The following SYNJ1 variants were observed in gnomAD, a reference collection of about 807,000 sequenced individuals.
The protein encoded by SYNJ1 is synaptojanin 1, also known as polyphosphatidylinositol phosphatase SYNJ1.
Under a neutral mutation model 168.2 loss-of-function variants are expected in SYNJ1, and 78 were observed. The observed-to-expected ratio is 0.46, with a 90% CI of 0.39 to 0.56. SYNJ1 has a LOEUF of 0.56. SYNJ1 is among the 20% of genes least tolerant of loss of function. SYNJ1 has a pLI of 0.00. For synonymous variants in SYNJ1, 539 were observed against 548.6 expected (o/e 0.98, Z 0.24); for missense variants, 1,303 against 1,597.6 (o/e 0.82, Z 3.14).
At chr21:32,651,909 T>A (rs1286134347) in intron 22 of SYNJ1, among the ~76,000 whole-genome samples, 1 of 152,172 alleles carries the variant, frequency 6.6e-6, no homozygotes, top group Non-Finnish European at 1.5e-5. Flanking sequence ...TCATAAGAGG[T>A]AGTAAGAAAA....
At chr21:32,705,967 A>C (rs2042592714) in intron 2 of SYNJ1, among the ~76,000 whole-genome samples, 3 of 152,140 alleles carry the variant, frequency 2.0e-5, no homozygotes, top group Non-Finnish European at 2.9e-5. Flanking sequence ...AGCCTGGCCG[A>C]CAGAGTGAAA....
In SYNJ1 at chr21:32,631,131, G is replaced by A; in HGVS notation, c.*674C>T. 1 of 1,614,198 alleles carries A rather than the reference G, an allele frequency of 6.2e-7. No individual in the cohort carries two copies. The highest frequency in any genetic ancestry group is 8.5e-7 in the Non-Finnish European group (1 of 1,180,036). On this transcript the variant is annotated 3_prime_UTR_variant, in exon 33 of 33. Transcript: ENST00000674351. ...TCTTCTTGACGGCAACACACAGAAGGAGACATTTGTACCTTTATTCCAGTC... is the reference window on the plus strand; with the variant it reads ...TCTTCTTGACGGCAACACACAGAAGAAGACATTTGTACCTTTATTCCAGTC...
intron 14 of SYNJ1, among the ~76,000 whole-genome samples, chr21:32,671,121 C>T (rs1230963525): frequency 6.6e-6 from 1 of 151,920 alleles, no homozygotes; most frequent in African/African-American, 2.4e-5. Context: ...CCAGCCTGGG[C>T]AACATAGTGA....
At chr21:32,645,966 C>A (rs2040050459) in intron 24 of SYNJ1, 177 bp from the exon 25 acceptor site, 1 of 982,312 alleles carries the variant, frequency 1.0e-6, no homozygotes, top group East Asian at 2.4e-5. Flanking sequence ...CCTTTGGTAC[C>A]ATGGCAGCAA....
At chr21:32,663,826 G>GA (rs1368122579) in intron 18 of SYNJ1, among the ~76,000 whole-genome samples, 2 of 152,242 alleles carry the variant, frequency 1.3e-5, no homozygotes, top group African/African-American at 4.8e-5. Context: ...GCCCTGGCAA[G>GA]AGTCTCAGAT....
intron 31 of SYNJ1, among the ~76,000 whole-genome samples, chr21:32,636,334 G>A (rs1393367228): frequency 1.3e-5 from 2 of 152,158 alleles, no homozygotes; most frequent in Non-Finnish European, 2.9e-5. Flanking sequence ...CGTATAACAT[G>A]TTATATAATC....
Position 32,638,463 on chromosome 21 carries a change from G to C in SYNJ1, c.3915+445C>G, listed in dbSNP as rs112924573. 2.3e-3 allele frequency among the ~76,000 whole-genome samples: 348 copies of C among 152,310 alleles called. 1 individual carries two copies. The highest frequency in any genetic ancestry group is 7.6e-3 in the African/African-American group (318 of 41,578). ...TGTAATCCCAGCACTTTGGGAGACT[G>C]AGGTGGGCAGATTGCCTGAGGTCAG... On this transcript the variant is annotated intron_variant, in intron 31 of 32. Coordinates refer to ENST00000674351, the MANE Select transcript of SYNJ1 (RefSeq NM_203446.3).
intron 2 of SYNJ1, among the ~76,000 whole-genome samples, chr21:32,718,953 C>G (rs1344430603): frequency 2.0e-5 from 3 of 152,066 alleles, no homozygotes; most frequent in Non-Finnish European, 4.4e-5. Context: ...AATAGCCACA[C>G]AATATATGGT....
chr21:32,664,027 T>A (rs1459286347), intron 18 of SYNJ1, among the ~76,000 whole-genome samples: 1 of 152,224 alleles, frequency 6.6e-6, no homozygotes, highest in Non-Finnish European at 1.5e-5. Flanking sequence ...ATGGATTTGA[T>A]CCGGGGGCCA....
chr21:32,720,352 G>C (rs574832567), intron 2 of SYNJ1, among the ~76,000 whole-genome samples: 46 of 152,300 alleles, frequency 3.0e-4, no homozygotes, highest in Non-Finnish European at 1.5e-5. Flanking sequence ...TAAGCTTCCA[G>C]TAAGTGGTAG....
At chr21:32,672,195 T>A (rs1170082219) in intron 14 of SYNJ1, among the ~76,000 whole-genome samples, 1 of 151,818 alleles carries the variant, frequency 6.6e-6, no homozygotes. Context: ...AGAAAAATTT[T>A]ATCTCACACC....
chr21:32,641,390 A>G (rs2039827104), intron 29 of SYNJ1, among the ~76,000 whole-genome samples: 2 of 152,316 alleles, frequency 1.3e-5, no homozygotes, highest in South Asian at 4.1e-4. Context: ...TCAGGTAGGG[A>G]AAAATCCTGT....
At chr21:32,647,563 T>C (rs549381179) in intron 23 of SYNJ1, among the ~76,000 whole-genome samples, 1 of 152,330 alleles carries the variant, frequency 6.6e-6, no homozygotes, top group East Asian at 1.9e-4. Flanking sequence ...ACTCCTTCTC[T>C]TTTGATTTCT....
intron 2 of SYNJ1, among the ~76,000 whole-genome samples, chr21:32,710,412 G>T (rs1368454426): frequency 3.3e-5 from 5 of 152,130 alleles, no homozygotes; most frequent in African/African-American, 4.8e-5. Context: ...GATAACTCTG[G>T]CCAATTATCT....
chr21:32,669,630 T>C (rs542992374), intron 15 of SYNJ1, among the ~76,000 whole-genome samples: 1 of 152,306 alleles, frequency 6.6e-6, no homozygotes, highest in East Asian at 1.9e-4. Context: ...GCAACTAACC[T>C]TTAGGACACT....
At chr21:32,638,553 C>T (rs2039681552) in intron 31 of SYNJ1, among the ~76,000 whole-genome samples, 1 of 151,922 alleles carries the variant, frequency 6.6e-6, no homozygotes, top group Non-Finnish European at 1.5e-5. Flanking sequence ...AAAAATTAGC[C>T]GGGCATGGTG....
In SYNJ1 at chr21:32,657,091, A is replaced by G. The variant is rs1227225524; in HGVS notation, c.2491T>C (p.Phe831Leu). ...TACAGAATTTTGCTTTCATCTTGAA[A>G]ACTAGCATTTAGAAGATCTAGATCT... is the stretch of plus-strand genomic sequence containing the variant. The part of the protein sequence containing the change: ...AEDLDLLNAS[F>L]QDESKILYTW... The change falls in exon 20 of 33, where the codon TTT becomes CTT. Residue 831 changes from phenylalanine (F) to leucine (L), a missense_variant. By Grantham distance (22) the Phe-to-Leu change is conservative (BLOSUM62 0). Coordinates refer to ENST00000674351, the MANE Select transcript of SYNJ1 (RefSeq NM_203446.3). The G allele has an allele frequency of 6.2e-7, 1 of 1,613,830 alleles. No homozygotes were observed. The highest frequency in any genetic ancestry group is 1.7e-5 in the Admixed American group (1 of 60,024).
At chr21:32,685,124 G>C (rs1601415261) in intron 9 of SYNJ1, among the ~76,000 whole-genome samples, 1 of 149,688 alleles carries the variant, frequency 6.7e-6, no homozygotes, top group African/African-American at 2.5e-5. Flanking sequence ...GGAGCTTGCA[G>C]TGAGCCAAGA....
chr21:32,630,466 T>C lies in SYNJ1; in HGVS notation c.*1339A>G, dbSNP rs2039277900. The C allele has an allele frequency of 2.0e-5, 3 of 152,812 alleles. 1 individual carries two copies. Among genetic ancestry groups the C allele is most frequent in the African/African-American group, 7.2e-5 (3 of 41,472 alleles). 9.5% of individuals were successfully genotyped at this position (152,812 alleles called of 1,614,324 possible). On this transcript the variant is annotated 3_prime_UTR_variant, in exon 33 of 33. Coordinates refer to ENST00000674351, the MANE Select transcript of SYNJ1 (RefSeq NM_203446.3). ...GAGTTATAGCCTAGAAATTAAAGTA[T>C]GAATTGTAAAAATATGTAAATGTAT...
Sources: allele counts gnomAD v4.1 joint callset (sites outside exome capture counted in the v4.1 genomes callset), GRCh38; gene constraint gnomAD v4.1.1; transcripts MANE v1.5; gene names NCBI Gene and HGNC (gene_info 2026-07-23, HGNC 2026-07-21).